MUC4: variants seen among roughly 807,000 people sequenced by gnomAD.
The protein encoded by MUC4 is mucin 4, cell surface associated.
Under a neutral mutation model 257.9 loss-of-function variants are expected in MUC4, and 202 were observed. That is an observed-to-expected ratio of 0.78 (90% confidence interval 0.70 to 0.88). The LOEUF (loss-of-function observed/expected upper bound fraction) is 0.88, where lower values mean the gene tolerates loss of function less well. MUC4 is among the 40% of genes least tolerant of loss of function. The probability of loss-of-function intolerance (pLI) is 0.00; values close to 1 mark genes in which losing one functional copy is unlikely to be tolerated. For missense variants in MUC4, 5,976 were observed against 6,513.7 expected (o/e 0.92, Z 2.84); for synonymous variants, 2,351 against 2,757.1 (o/e 0.85, Z 4.62).
intron 3 of MUC4, 126 bp downstream of exon 3, chr3:195,778,177 C>T: frequency 7.9e-7 from 1 of 1,272,016 alleles, no homozygotes. Context: ...GACTCCGATG[C>T]TGTGTCCCTG....
rs200049803 is a variant in MUC4, at chr3:195,783,212, G to T, written c.8368C>A (p.Pro2790Thr). The change falls in exon 2 of 25, where the codon CCT becomes ACT. Residue 2790 changes from proline to threonine, a missense_variant. Pro to Thr is a conservative substitution (Grantham distance 38). Transcript: ENST00000463781. ...GHATPLHVTS[P>T]SSASTGHTTP... ...GTGTGACCTGTGGATGCTGAGGAAGGGCTGGTGACATGAAGAGGGGTGGCG... is the reference window on the plus strand; with the variant it reads ...GTGTGACCTGTGGATGCTGAGGAAGTGCTGGTGACATGAAGAGGGGTGGCG... 1,663 of 1,322,696 alleles carry T rather than the reference G, an allele frequency of 1.3e-3. 73 individuals carry two copies. The African/African-American group carries it at 0.014, about 11-fold the overall frequency. The allele number at this position is 1,322,696 out of a possible 1,614,324, so 81.9% of individuals were successfully genotyped here.
In MUC4 at chr3:195,808,862, G is replaced by A. The variant is rs549600879; in HGVS notation, c.82+2874C>T. On this transcript the variant is annotated intron_variant, in intron 1 of 24. Coordinates refer to ENST00000463781, the MANE Select transcript of MUC4 (RefSeq NM_018406.7). ...GTTTTGGTGTCCTCGGTGGCAAGTT[G>A]AGGTGGCCTGTCCCAGACTGACAGA... Among the ~76,000 whole-genome samples, 737 of 152,308 alleles carry A rather than the reference G, an allele frequency of 4.8e-3. 6 individuals carry two copies. The highest frequency in any genetic ancestry group is 5.5e-3 in the Non-Finnish European group (375 of 68,022).
intron 24 of MUC4, among the ~76,000 whole-genome samples, chr3:195,747,989 C>T (rs1291019306): frequency 5.9e-5 from 9 of 152,164 alleles, no homozygotes; most frequent in Admixed American, 5.9e-4. Context: ...CCCCGCCCCG[C>T]CCCGCCCACC....
intron 6 of MUC4, 90 bp downstream of exon 6, chr3:195,770,126 G>C (rs865954719): frequency 6.9e-6 from 9 of 1,301,230 alleles, no homozygotes; most frequent in African/African-American, 1.5e-5. Context: ...CCTAGAGCCA[G>C]AGAGGATTTT....
intron 18 of MUC4, 51 bp from the exon 19 acceptor site, chr3:195,754,423 G>T: frequency 6.4e-7 from 1 of 1,560,542 alleles, no homozygotes; most frequent in African/African-American, 1.4e-5. Flanking sequence ...ACTGGGAAGG[G>T]CTTCTGGGTG....
At chr3:195,806,546 A>G (rs1736008816) in intron 1 of MUC4, among the ~76,000 whole-genome samples, 1 of 152,252 alleles carries the variant, frequency 6.6e-6, no homozygotes, top group African/African-American at 2.4e-5. Context: ...GTGTGCATCC[A>G]GTGCTGTGTC....
chr3:195,770,954 C>G (rs1410314804), intron 5 of MUC4: 1 of 419,024 alleles, frequency 2.4e-6, no homozygotes, highest in Non-Finnish European at 4.7e-6. Context: ...TTCTCGTGGC[C>G]GGGTTGGGGT....
At chr3:195,805,374 C>T (rs985565295) in intron 1 of MUC4, among the ~76,000 whole-genome samples, 6 of 152,134 alleles carry the variant, frequency 3.9e-5, no homozygotes, top group Non-Finnish European at 8.8e-5. Flanking sequence ...GAGCACAGCA[C>T]GCCGGCCAGC....
rs1727617611 is a variant in MUC4, at chr3:195,781,150, C to CTT, written c.10429_10430insAA (p.Ser3477LysfsTer783). ...GTGACCTGTAGATGCTGAGGAAGGG[C>CTT]TGGTGACAGGAAGAGGGGTGGTGTC... On this transcript the variant is annotated frameshift_variant, in exon 2 of 25. Coordinates refer to ENST00000463781, the MANE Select transcript of MUC4 (RefSeq NM_018406.7). LOFTEE classifies it high-confidence loss of function. 3.4e-5 allele frequency: 45 copies of CTT among 1,318,896 alleles called. No individual in the cohort carries two copies. The highest frequency in any genetic ancestry group is 2.7e-4 in the Middle Eastern group (1 of 3,676). 81.7% of individuals were successfully genotyped at this position (1,318,896 alleles called of 1,614,324 possible). A position where few individuals can be genotyped will look rare whatever the true frequency, so the allele number is the denominator to read the frequency against.
intron 8 of MUC4, 76 bp downstream of exon 8, chr3:195,766,587 G>C (rs1578046646): frequency 7.5e-7 from 1 of 1,325,134 alleles, no homozygotes; most frequent in African/African-American, 1.4e-5. Flanking sequence ...TGCCCTCTAG[G>C]ACTGCGATGG....
At chr3:195,766,508 C>T (rs968230307) in intron 8 of MUC4, among the ~76,000 whole-genome samples, 155 bp downstream of exon 8, 11 of 152,126 alleles carry the variant, frequency 7.2e-5, no homozygotes. Context: ...GTGCCACATC[C>T]CACCTAGACC....
Position 195,789,016 on chromosome 3 carries a change from C to G in MUC4, c.2564G>C (p.Gly855Ala), listed in dbSNP as rs369799011. ...TELLSASASHGAIPVSTGMAS... is the reference protein window; with the variant it reads ...TELLSASASHAAIPVSTGMAS... ...CATTCCTGTGCTTACTGGGATGGCA[C>G]CATGACTGGCTGAGGCGGACAGCAA... is the stretch of plus-strand genomic sequence containing the variant. The change falls in exon 2 of 25, where the codon GGT becomes GCT. Residue 855 changes from glycine to alanine, a missense_variant. By Grantham distance (60) the Gly-to-Ala change is moderately conservative. This residue lies in a region of MUC4 where 1,583 missense variants were observed against 1,257.4 expected (regional missense o/e 1.26). Transcript: ENST00000463781. The G allele has an allele frequency of 8.1e-6, 13 of 1,613,656 alleles. No individual in the cohort carries two copies. The highest frequency in any genetic ancestry group is 1.0e-5 in the Non-Finnish European group (12 of 1,179,850).
chr3:195,760,574 CTGGGAAGGCGTCCAGCGCTAGTATG>C (rs1191531702), intron 16 of MUC4, among the ~76,000 whole-genome samples: 1 of 111,486 alleles, frequency 9.0e-6, no homozygotes, highest in African/African-American at 3.1e-5. Context: ...GTGGAGGGGG[CTGGGAAGGCGTCCAGCGCTAGTATG>C]GAGTGAAGGG....
In MUC4 at chr3:195,783,086, A is replaced by G. The variant is rs867908120; in HGVS notation, c.8494T>C (p.Ser2832Pro). The G allele has an allele frequency of 0.098, 41,075 of 420,418 alleles. 11,836 individuals are homozygous for G. The highest frequency in any genetic ancestry group is 0.12 in the Middle Eastern group (180 of 1,482). The allele number at this position is 420,418 out of a possible 1,614,324, so 26.0% of individuals were successfully genotyped here. Residue 2832 changes from serine (S) to proline (P), a missense_variant, in exon 2 of 25, where the codon TCT becomes CCT. Physicochemically the swap from Ser to Pro is moderately conservative, Grantham distance 74. Transcript: ENST00000463781. ...ASSVFTGHAT[S>P]LPVTIPSSAS... ...GAGGAAGGGATGGTGACAGGAAGAG[A>G]GGTGGCATGACCTGTGAACACTGAG...
intron 1 of MUC4, among the ~76,000 whole-genome samples, chr3:195,800,878 G>T (rs552751981): frequency 5.3e-4 from 64 of 120,154 alleles, no homozygotes; most frequent in Non-Finnish European, 8.5e-4. Context: ...AATAGCTCAA[G>T]ACCCCTTCTC....
rs1489184606 is a variant in MUC4, at chr3:195,781,694, G to T, written c.9886C>A (p.Pro3296Thr). 5.8e-6 allele frequency: 8 copies of T among 1,372,776 alleles called. No individual in the cohort carries two copies. The highest frequency in any genetic ancestry group is 7.9e-6 in the Non-Finnish European group (8 of 1,015,966). The allele number at this position is 1,372,776 out of a possible 1,614,324, so 85.0% of individuals were successfully genotyped here. ...TSSSSTGDTT[P>T]LLVTETSSVS... ...GAGGAAGTCTCGGTGACAAGAAGAG[G>T]GGTGGTGTCACCTGTGGATGATGAG... is the stretch of plus-strand genomic sequence containing the variant. Residue 3296 changes from proline (P) to threonine (T), a missense_variant, in exon 2 of 25, where the codon CCT becomes ACT. Coordinates refer to ENST00000463781, the MANE Select transcript of MUC4 (RefSeq NM_018406.7).
Position 195,779,927 on chromosome 3 carries a change from C to T in MUC4, c.11653G>A (p.Asp3885Asn). 1 of 1,383,598 alleles carries T rather than the reference C, an allele frequency of 7.2e-7. No individual in the cohort carries two copies. The highest frequency in any genetic ancestry group is 9.4e-7 in the Non-Finnish European group (1 of 1,062,456). The allele number at this position is 1,383,598 out of a possible 1,614,324, so 85.7% of individuals were successfully genotyped here. Reference protein sequence around the residue: ...VTGLSSASTGDTTPLPVTDTS... With the variant: ...VTGLSSASTGNTTPLPVTDTS... The stretch of plus-strand genomic sequence containing the variant: ...TCGGTGACAGGAAGAGGGGTGGTGT[C>T]ACCTGTGGAAGCTGAGGAAAGGCCG... The change falls in exon 2 of 25, where the codon GAC (aspartate) becomes AAC (asparagine). Residue 3885 changes from aspartate to asparagine, a missense_variant. This residue lies in a region of MUC4 where 330 missense variants were observed against 262.0 expected (regional missense o/e 1.26). Transcript: ENST00000463781.
rs1245730514 is a variant in MUC4, at chr3:195,811,920, A to AACCAAGT, written c.-110_-104dup. 11 of 1,171,090 alleles carry AACCAAGT rather than the reference A, an allele frequency of 9.4e-6. No homozygotes were observed. Among genetic ancestry groups the AACCAAGT allele is most frequent in the African/African-American group, 6.1e-5 (4 of 65,662 alleles). 72.5% of individuals were successfully genotyped at this position (1,171,090 alleles called of 1,614,324 possible). A position where few individuals can be genotyped will look rare whatever the true frequency, so the allele number is the denominator to read the frequency against. ...CCCGTCCCCTCAGGCGGCTGGCCCG[A>AACCAAGT]ACCAAGTGCGTTTCTCCGAAGGGGC... On this transcript the variant is annotated 5_prime_UTR_variant, in exon 1 of 25. Transcript: ENST00000463781.
rs1189112704 is a variant in MUC4 at position 195,774,135 on chromosome 3, G to A, written c.13077+37C>T. ...GAAGCAGGAGAGAGAAGTGGGCCCT[G>A]GGAGTTCAGGCTGCGCGGGCCGCAG... On this transcript the variant is annotated intron_variant, in intron 4 of 24. Coordinates refer to ENST00000463781, the MANE Select transcript of MUC4 (RefSeq NM_018406.7). 3 of 1,569,842 alleles carry A rather than the reference G, an allele frequency of 1.9e-6. No homozygotes were observed. In the East Asian group the frequency reaches 7.2e-5, roughly 38 times the overall value.
Sources: gnomAD v4.1 joint callset for allele counts (sites outside exome capture counted in the v4.1 genomes callset) on GRCh38, gnomAD v4.1.1 for gene constraint, gnomAD v4.1.1 regional missense constraint, MANE v1.5 for transcripts, NCBI Gene and HGNC (gene_info 2026-07-23, HGNC 2026-07-21) for gene names.